SLC16A7: variants seen among roughly 807,000 people sequenced by gnomAD.
SLC16A7 encodes solute carrier family 16 member 7, also known as monocarboxylate transporter 2.
A neutral mutation model predicts 34.9 loss-of-function variants in SLC16A7; 33 were observed. The observed-to-expected ratio is 0.94, with a 90% CI of 0.72 to 1.26. SLC16A7 has a LOEUF of 1.26. SLC16A7 is among the 50% of genes most tolerant of loss of function. The probability of loss-of-function intolerance (pLI) is 0.00; values close to 1 mark genes in which losing one functional copy is unlikely to be tolerated. For synonymous variants in SLC16A7, 201 were observed against 206.6 expected (o/e 0.97, Z 0.23); for missense variants, 573 against 578.1 (o/e 0.99, Z 0.09).
chr12:59,760,289 T>G (rs536884852), intron 3 of SLC16A7, among the ~76,000 whole-genome samples: 5 of 152,192 alleles, frequency 3.3e-5, no homozygotes, highest in African/African-American at 1.2e-4. Flanking sequence ...CTTTCAAATT[T>G]TATTAAGCTT....
chr12:59,623,275 G>A (rs1056136216), intron 1 of SLC16A7, among the ~76,000 whole-genome samples: 15 of 151,296 alleles, frequency 9.9e-5, no homozygotes, highest in Admixed American at 2.7e-4. Flanking sequence ...TGTCATTCTT[G>A]GCCATTTGAT....
chr12:59,767,958 G>T (rs1253825368), intron 3 of SLC16A7, among the ~76,000 whole-genome samples: 1 of 130,558 alleles, frequency 7.7e-6, no homozygotes, highest in Non-Finnish European at 1.6e-5. Flanking sequence ...TGGGGGGAAG[G>T]GGGAGGGATA....
chr12:59,760,359 G>T (rs1240074512), intron 3 of SLC16A7, among the ~76,000 whole-genome samples: 1 of 152,042 alleles, frequency 6.6e-6, no homozygotes, highest in Non-Finnish European at 1.5e-5. Context: ...CTATAAAAGT[G>T]CAGGGCTCTG....
At chr12:59,669,966 G>T (rs995057447) in intron 2 of SLC16A7, among the ~76,000 whole-genome samples, 4 of 152,100 alleles carry the variant, frequency 2.6e-5, no homozygotes, top group Non-Finnish European at 2.9e-5. Context: ...GCACTTTCTA[G>T]GGCTGCCATA....
intron 1 of SLC16A7, among the ~76,000 whole-genome samples, chr12:59,613,824 A>G (rs746365342): frequency 2.2e-4 from 34 of 152,234 alleles, no homozygotes; most frequent in Non-Finnish European, 4.3e-4. Context: ...CTAAGAGTCT[A>G]TGACCAACAA....
intron 1 of SLC16A7, among the ~76,000 whole-genome samples, chr12:59,627,159 G>A (rs917593761): frequency 2.6e-5 from 4 of 151,688 alleles, no homozygotes; most frequent in African/African-American, 9.7e-5. Flanking sequence ...AATGTGCTAC[G>A]CTTTATACAT....
rs1021968693 is a variant in SLC16A7 at position 59,596,656 on chromosome 12, G to A, written c.-130+420G>A. Among the ~76,000 whole-genome samples the A allele has an allele frequency of 6.6e-6, 1 of 152,082 alleles. No individual in the cohort carries two copies. The highest frequency in any genetic ancestry group is 1.5e-5 in the Non-Finnish European group (1 of 68,018). Reference sequence around the variant, plus strand: ...TTCCAGTGCGGCGTGTCTCTAGTGCGCGCCCCGCCAGCATCCGGCCCCCGA... The same window carrying A: ...TTCCAGTGCGGCGTGTCTCTAGTGCACGCCCCGCCAGCATCCGGCCCCCGA... On this transcript the variant is annotated intron_variant, in intron 1 of 5. Transcript: ENST00000547379. The surrounding 1 kb of genome is among the most constrained non-coding windows in gnomAD (Gnocchi z 5.0).
Position 59,702,835 on chromosome 12 carries a change from C to T in SLC16A7, c.-30-1937C>T, listed in dbSNP as rs148634456. 1.4e-3 allele frequency among the ~76,000 whole-genome samples: 214 copies of T among 151,980 alleles called. 1 individual carries two copies. The highest frequency in any genetic ancestry group is 6.8e-3 in the Middle Eastern group (2 of 294). On this transcript the variant is annotated intron_variant, in intron 2 of 5. Transcript: ENST00000547379. ...TTTCTCCCTAAATTACATCACTCGG[C>T]AGTCTTATTTCTAATTCTATTTATA...
chr12:59,653,931 T>C (rs535326403), intron 1 of SLC16A7, among the ~76,000 whole-genome samples: 1 of 151,840 alleles, frequency 6.6e-6, no homozygotes, highest in South Asian at 2.1e-4. Flanking sequence ...AATCTAATTT[T>C]TCTTGATTAC....
intron 2 of SLC16A7, among the ~76,000 whole-genome samples, chr12:59,699,884 T>C (rs1211975777): frequency 6.6e-6 from 1 of 151,800 alleles, no homozygotes; most frequent in Non-Finnish European, 1.5e-5. Flanking sequence ...TTTAGTTTTC[T>C]CTCATACTGT....
At chr12:59,705,115 T>C (rs1873415991) in intron 3 of SLC16A7, 97 bp downstream of exon 3, 1 of 803,606 alleles carries the variant, frequency 1.2e-6, no homozygotes, top group African/African-American at 1.7e-5. Flanking sequence ...TAAAACCCTG[T>C]TTTTATGTTA....
intron 2 of SLC16A7, among the ~76,000 whole-genome samples, chr12:59,668,400 T>C (rs1209847811): frequency 6.6e-6 from 1 of 152,188 alleles, no homozygotes; most frequent in Non-Finnish European, 1.5e-5. Flanking sequence ...ATGTCCTGGA[T>C]TTGGGACATG....
At chr12:59,665,533 T>C (rs897967033) in intron 2 of SLC16A7, among the ~76,000 whole-genome samples, 1 of 152,050 alleles carries the variant, frequency 6.6e-6, no homozygotes, top group African/African-American at 2.4e-5. Flanking sequence ...TGGTATGATA[T>C]GAAGTTATTG....
chr12:59,647,366 C>G (rs747101687), intron 1 of SLC16A7, among the ~76,000 whole-genome samples: 18 of 152,036 alleles, frequency 1.2e-4, no homozygotes, highest in Non-Finnish European at 2.6e-4. Context: ...AAGGGGCTTC[C>G]CTCTTCGTTC....
At chr12:59,707,912 A>G (rs564700557) in intron 3 of SLC16A7, among the ~76,000 whole-genome samples, 16 of 152,226 alleles carry the variant, frequency 1.1e-4, no homozygotes, top group African/African-American at 3.9e-4. Context: ...AAAACTGGAA[A>G]CACAATTCTA....
At chr12:59,753,943 T>A (rs138450463) in intron 3 of SLC16A7, among the ~76,000 whole-genome samples, 4,620 of 152,196 alleles carry the variant, frequency 0.03, 161 homozygotes, top group African/African-American at 0.078. Context: ...GAACTCAGGA[T>A]TAAGAAACTC....
chr12:59,762,914 A>G (rs1881173287), intron 3 of SLC16A7, among the ~76,000 whole-genome samples: 1 of 152,058 alleles, frequency 6.6e-6, no homozygotes. Flanking sequence ...TCTGTATTCA[A>G]TCTACATTTG....
At chr12:59,775,611 G>A in intron 5 of SLC16A7, 136 bp downstream of exon 5, 4 of 652,104 alleles carry the variant, frequency 6.1e-6, no homozygotes, top group Non-Finnish European at 1.0e-5. Context: ...TTAATTTTAG[G>A]TTTTATTATA....
rs571798401 is a variant in SLC16A7 at position 59,669,086 on chromosome 12, G to A, written c.-31+13836G>A. Among the ~76,000 whole-genome samples, 6 of 152,102 alleles carry A rather than the reference G, an allele frequency of 3.9e-5. No individual in the cohort carries two copies. In the South Asian group the frequency reaches 6.2e-4, roughly 16 times the overall value. On this transcript the variant is annotated intron_variant, in intron 2 of 5. Coordinates refer to ENST00000547379, the MANE Select transcript of SLC16A7 (RefSeq NM_001270623.2). ...GTGTCTTTATGTGAAGTGTGAGAAC[G>A]GACTAATACAGAGAGTATTACCAGT...
Sources: allele counts gnomAD v4.1 joint callset (sites outside exome capture counted in the v4.1 genomes callset), GRCh38; gene constraint gnomAD v4.1.1; non-coding constraint Gnocchi (gnomAD v3.1); transcripts MANE v1.5; gene names NCBI Gene and HGNC (gene_info 2026-07-23, HGNC 2026-07-21).